HAUS7: variants seen among roughly 807,000 people sequenced by gnomAD.
HAUS7 encodes HAUS augmin like complex subunit 7.
HAUS7 carries 3 observed loss-of-function variants against 28.4 expected under a neutral mutation model. The ratio of observed to expected loss-of-function variants is 0.11; its 90% CI spans 0.05 to 0.27. HAUS7 has a LOEUF of 0.27. Among genes scored for constraint, HAUS7 ranks in the 10% least tolerant of loss-of-function variants. HAUS7 has a pLI of 1.00. For synonymous variants in HAUS7, 165 were observed against 132.1 expected (o/e 1.25, Z -1.71); for missense variants, 284 against 297.3 (o/e 0.96, Z 0.33).
intron 1 of HAUS7, among the ~76,000 whole-genome samples, chrX:153,482,150 T>C (rs1436905499): frequency 1.8e-5 from 2 of 111,868 alleles, no homozygotes; most frequent in African/African-American, 3.3e-5. Context: ...GCAGGCCCTG[T>C]ATAGGAGCAA....
intron 1 of HAUS7, among the ~76,000 whole-genome samples, chrX:153,488,901 G>T (rs1231878218): frequency 1.8e-5 from 2 of 113,034 alleles, no homozygotes; most frequent in Non-Finnish European, 3.7e-5. Context: ...GGCCAGGCAG[G>T]CCACCCACAG....
chrX:153,451,098 G>A (rs368216084), intron 9 of HAUS7, among the ~76,000 whole-genome samples: 1 of 112,176 alleles, frequency 8.9e-6, no homozygotes, highest in Non-Finnish European at 1.9e-5. Context: ...CAAAGTGGCC[G>A]GGGCTCAAGG....
chrX:153,480,223 T>A (rs2089590346), intron 1 of HAUS7, among the ~76,000 whole-genome samples: 1 of 109,493 alleles, frequency 9.1e-6, no homozygotes, highest in Admixed American at 9.6e-5. Context: ...AGCCCAAGGC[T>A]TTCTACCCAG....
chrX:153,462,052 T>G (rs1308504861), intron 4 of HAUS7: 1 of 782,009 alleles, frequency 1.3e-6, no homozygotes, highest in Non-Finnish European at 1.9e-6. Flanking sequence ...AGGCCATTGG[T>G]CACGTGAATA....
chrX:153,486,851 G>T (rs782778208), intron 1 of HAUS7: 5 of 950,420 alleles, frequency 5.3e-6, no homozygotes, highest in Non-Finnish European at 6.8e-6. Flanking sequence ...TCTGCTTCTC[G>T]AGGGGGTGGA....
chrX:153,454,586 C>T lies in HAUS7; in HGVS notation c.931-78G>A, dbSNP rs782099275. On this transcript the variant is annotated intron_variant, in intron 8 of 9. Coordinates refer to ENST00000370211, the MANE Select transcript of HAUS7 (RefSeq NM_001385482.1). ...AAATGCCGCTGGTCTCACGTAGCGA[C>T]GGCATCTCCTGCTTCCCACCCCCAC... The T allele has an allele frequency of 6.9e-4, 406 of 589,048 alleles. No individual in the cohort carries two copies. In the African/African-American group the frequency reaches 8.2e-3, roughly 12 times the overall value. The allele number at this position is 589,048 out of a possible 1,213,427, so 48.5% of individuals were successfully genotyped here. A position where few individuals can be genotyped will look rare whatever the true frequency, so the allele number is the denominator to read the frequency against.
At position 153,447,774 on chromosome X, in the gene HAUS7, G is replaced by A. The variant is rs367586051; in HGVS notation, c.*104C>T. The stretch of plus-strand genomic sequence containing the variant: ...TAGAGCACAACGTGGGGCTGCAACG[G>A]CTTCTGCTGCCACAATCATCCATCC... On this transcript the variant is annotated 3_prime_UTR_variant, in exon 10 of 10. Transcript: ENST00000370211. 2.9e-6 allele frequency: 2 copies of A among 688,424 alleles called. No individual in the cohort carries two copies. The highest frequency in any genetic ancestry group is 4.2e-5 in the African/African-American group (2 of 47,626). The allele number at this position is 688,424 out of a possible 1,213,427, so 56.7% of individuals were successfully genotyped here. A position where few individuals can be genotyped will look rare whatever the true frequency, so the allele number is the denominator to read the frequency against.
At chrX:153,486,506 C>A in intron 1 of HAUS7, 1 of 534,035 alleles carries the variant, frequency 1.9e-6, no homozygotes, top group Non-Finnish European at 2.8e-6. Context: ...CTCCACAGTT[C>A]CGATTCTGTG....
chrX:153,483,873 G>A (rs2089617995), intron 1 of HAUS7, among the ~76,000 whole-genome samples: 1 of 112,162 alleles, frequency 8.9e-6, no homozygotes, highest in Non-Finnish European at 1.9e-5. Context: ...GACGATGGGT[G>A]CAGTTAGGAG....
At chrX:153,449,699 G>A (rs957730673) in intron 9 of HAUS7, among the ~76,000 whole-genome samples, 19 of 112,101 alleles carry the variant, frequency 1.7e-4, no homozygotes, top group South Asian at 3.7e-4. Context: ...GATGGCAGGA[G>A]GTGGGTTCCA....
upstream of HAUS7, among the ~76,000 whole-genome samples, chrX:153,473,619 A>C (rs1389792156): frequency 2.7e-5 from 3 of 113,074 alleles, no homozygotes; most frequent in Non-Finnish European, 3.8e-5. Flanking sequence ...GTTCAGGTCT[A>C]AGATGAGAAG....
upstream of HAUS7, among the ~76,000 whole-genome samples, chrX:153,473,059 G>A (rs1340329517): frequency 1.2e-4 from 13 of 112,076 alleles, no homozygotes; most frequent in East Asian, 1.7e-3. Context: ...GGTGGCATTC[G>A]AGACCTCTCA....
rs1556983490 is a variant in HAUS7 at position 153,462,056 on chromosome X, G to A, written c.354+554C>T. ...GGCTGTGTCATAGGCCATTGGTCAC[G>A]TGAATAAATCTCTTCAGATATAAAA... is the stretch of plus-strand genomic sequence containing the variant. On this transcript the variant is annotated intron_variant, in intron 4 of 9. Coordinates refer to ENST00000370211, the MANE Select transcript of HAUS7 (RefSeq NM_001385482.1). The A allele has an allele frequency of 2.1e-5, 17 of 818,747 alleles. No homozygotes were observed. In the East Asian group the frequency reaches 3.8e-4, roughly 18 times the overall value. 67.5% of individuals were successfully genotyped at this position (818,747 alleles called of 1,213,427 possible).
chrX:153,452,676 T>A (rs1328543869), intron 9 of HAUS7, among the ~76,000 whole-genome samples: 1 of 112,049 alleles, frequency 8.9e-6, no homozygotes, highest in African/African-American at 3.3e-5. Context: ...ACTTAAAAAA[T>A]AACTTTAAAA....
intron 1 of HAUS7, among the ~76,000 whole-genome samples, chrX:153,485,124 C>T (rs2089627691): frequency 8.9e-6 from 1 of 112,314 alleles, no homozygotes; most frequent in East Asian, 2.8e-4. Flanking sequence ...CGGGGGCTCC[C>T]AGCTGAAGGT....
chrX:153,471,249 G>A (rs1171891332), upstream of HAUS7: 4 of 235,384 alleles, frequency 1.7e-5, no homozygotes, highest in East Asian at 3.4e-4. Context: ...GAGCTAATGA[G>A]AGCACCTTAC....
intron 1 of HAUS7, among the ~76,000 whole-genome samples, chrX:153,483,713 A>G (rs1285298721): frequency 9.0e-6 from 1 of 111,447 alleles, no homozygotes; most frequent in Non-Finnish European, 1.9e-5. Context: ...ATTGCTTGCA[A>G]GCTTGCAAGG....
At chrX:153,471,344 G>C, upstream of HAUS7, among the ~76,000 whole-genome samples, 1 of 112,350 alleles carries the variant, frequency 8.9e-6, no homozygotes, top group African/African-American at 3.2e-5. Flanking sequence ...GAAGAACCAC[G>C]TAAATGCTCA....
chrX:153,473,058 C>G (rs1027141022), upstream of HAUS7, among the ~76,000 whole-genome samples: 1 of 111,994 alleles, frequency 8.9e-6, no homozygotes, highest in African/African-American at 3.2e-5. Flanking sequence ...TGGTGGCATT[C>G]GAGACCTCTC....
Sources: gnomAD v4.1 joint callset for allele counts (sites outside exome capture counted in the v4.1 genomes callset) on GRCh38, gnomAD v4.1.1 for gene constraint, MANE v1.5 for transcripts, NCBI Gene and HGNC (gene_info 2026-07-23, HGNC 2026-07-21) for gene names.